The following HMGB4 variants were observed in gnomAD, a reference collection of about 807,000 sequenced individuals.
The protein encoded by HMGB4 is high mobility group box 4, also known as high mobility group protein B4.
For synonymous variants in HMGB4, 82 were observed against 84.9 expected (o/e 0.97, Z 0.19); for missense variants, 217 against 220.4 (o/e 0.98, Z 0.10).
upstream of HMGB4, chr1:33,862,639 C>A (rs543161589): frequency 6.6e-6 from 1 of 152,272 alleles, no homozygotes; most frequent in Non-Finnish European, 1.5e-5. Context: ...CTAGCCCAGA[C>A]TTCCTTGATG....
chr1:33,864,531 G>A lies in HMGB4; in HGVS notation c.340G>A (p.Glu114Lys), dbSNP rs750714730. ...CQDHYAQLKR[E>K]NPNWSVVQVA... ...AGACCACTATGCTCAGCTGAAGAGG[G>A]AGAACCCGAACTGGTCGGTGGTGCA... The change falls in exon 1 of 1, where the codon GAG becomes AAG. Residue 114 changes from glutamate (E) to lysine (K), a missense_variant. By Grantham distance (56) the Glu-to-Lys change is moderately conservative. Coordinates refer to ENST00000681531, the MANE Select transcript of HMGB4 (RefSeq NM_001379301.1). 35 of 1,614,142 alleles carry A rather than the reference G, an allele frequency of 2.2e-5. No individual in the cohort carries two copies. Among genetic ancestry groups the A allele is most frequent in the South Asian group, 4.4e-5 (4 of 91,084 alleles).
At chr1:33,862,023 C>T (rs1303315437), upstream of HMGB4, among the ~76,000 whole-genome samples, 1 of 152,154 alleles carries the variant, frequency 6.6e-6, no homozygotes, top group African/African-American at 2.4e-5. Context: ...TACAGACCAG[C>T]TTCCCAGGCC....
chr1:33,864,028 TC>T (rs1639760407), upstream of HMGB4: 1 of 641,884 alleles, frequency 1.6e-6, no homozygotes, highest in African/African-American at 1.8e-5. Flanking sequence ...CTCCTCTGAC[TC>T]AACAATGCCA....
chr1:33,863,965 GC>G (rs753170018), upstream of HMGB4: 75 of 528,682 alleles, frequency 1.4e-4, no homozygotes, highest in Non-Finnish European at 2.2e-4. Flanking sequence ...GTACACAAAT[GC>G]CCACAGGTGT....
rs369597433 is a variant in HMGB4 at position 33,864,390 on chromosome 1, G to A, written c.199G>A (p.Asp67Asn). Residue 67 changes from aspartate to asparagine, a missense_variant, in exon 1 of 1, where the codon GAC becomes AAC. By Grantham distance (23) the Asp-to-Asn change is conservative. Transcript: ENST00000681531. ...KAKYEALAKL[D>N]KARYQEEMMN... ...CAAATATGAAGCCCTGGCCAAACTCGACAAAGCCCGATACCAGGAAGAAAT... is the reference window on the plus strand; with the variant it reads ...CAAATATGAAGCCCTGGCCAAACTCAACAAAGCCCGATACCAGGAAGAAAT... 34 of 1,613,924 alleles carry A rather than the reference G, an allele frequency of 2.1e-5. No homozygotes were observed. The African/African-American group carries it at 3.7e-4, about 18-fold the overall frequency.
chr1:33,863,986 T>C (rs548234646), upstream of HMGB4: 2 of 557,632 alleles, frequency 3.6e-6, no homozygotes, highest in Non-Finnish European at 6.3e-6. Flanking sequence ...TTGGCTGGGA[T>C]TGGCTGGCTT....
At chr1:33,862,985 A>T (rs1402116119), upstream of HMGB4, 2 of 152,210 alleles carry the variant, frequency 1.3e-5, no homozygotes, top group Non-Finnish European at 2.9e-5. Context: ...CTGGACCCTC[A>T]GTGCCCTGGC....
chr1:33,864,082 C>T lies in HMGB4; in HGVS notation c.-110C>T, dbSNP rs1251907874. On this transcript the variant is annotated 5_prime_UTR_variant, in exon 1 of 1. Transcript: ENST00000681531. ...GAGCCCTGACTACAGCTCTTGCAGACAGAAAAATTCGCTGCAAGTACAGCA... is the reference window on the plus strand; with the variant it reads ...GAGCCCTGACTACAGCTCTTGCAGATAGAAAAATTCGCTGCAAGTACAGCA... 9.5e-7 allele frequency: 1 copy of T among 1,047,168 alleles called. No individual in the cohort carries two copies. Among genetic ancestry groups the T allele is most frequent in the African/African-American group, 1.6e-5 (1 of 62,502 alleles). The allele number at this position is 1,047,168 out of a possible 1,614,324, so 64.9% of individuals were successfully genotyped here. A position where few individuals can be genotyped will look rare whatever the true frequency, so the allele number is the denominator to read the frequency against.
chr1:33,864,402 T>C lies in HMGB4; in HGVS notation c.211T>C (p.Tyr71His). The C allele has an allele frequency of 6.2e-7, 1 of 1,614,062 alleles. No homozygotes were observed. The highest frequency in any genetic ancestry group is 2.2e-5 in the East Asian group (1 of 44,866). ...EALAKLDKARYQEEMMNYVGK... is the reference protein window; with the variant it reads ...EALAKLDKARHQEEMMNYVGK... Reference sequence around the variant, plus strand: ...CCTGGCCAAACTCGACAAAGCCCGATACCAGGAAGAAATGATGAATTATGT... The same window carrying C: ...CCTGGCCAAACTCGACAAAGCCCGACACCAGGAAGAAATGATGAATTATGT... Residue 71 changes from tyrosine (Y) to histidine (H), a missense_variant, in exon 1 of 1, where the codon TAC becomes CAC. By Grantham distance (83) the Tyr-to-His change is moderately conservative. Coordinates refer to ENST00000681531, the MANE Select transcript of HMGB4 (RefSeq NM_001379301.1).
rs761135652 is a variant in HMGB4 at position 33,864,714 on chromosome 1, A to T, written c.523A>T (p.Arg175Ter). 6.2e-7 allele frequency: 1 copy of T among 1,613,210 alleles called. No homozygotes were observed. The highest frequency in any genetic ancestry group is 8.5e-7 in the Non-Finnish European group (1 of 1,179,740). The change falls in exon 1 of 1, where the codon AGA (arginine) becomes TGA (stop). Residue 175 changes from arginine (R) to a stop codon, truncating the protein, a stop_gained. Coordinates refer to ENST00000681531, the MANE Select transcript of HMGB4 (RefSeq NM_001379301.1). LOFTEE classifies it low-confidence loss of function (END_TRUNC). ...CAGGAAGAAGTACCGAATGTCAGCT[A>T]GAAACCGGTGCAGAGGGAAAAGAGT... is the stretch of plus-strand genomic sequence containing the variant. ...NARKKYRMSA[R>*]NRCRGKRVRQ...
chr1:33,861,808 G>A (rs879320159), upstream of HMGB4, among the ~76,000 whole-genome samples: 1 of 152,180 alleles, frequency 6.6e-6, no homozygotes, highest in Non-Finnish European at 1.5e-5. Context: ...TGTACTGGAA[G>A]GAGAGAGTCA....
At chr1:33,861,228 T>C (rs1160485687), upstream of HMGB4, 3 of 152,216 alleles carry the variant, frequency 2.0e-5, no homozygotes, top group Non-Finnish European at 4.4e-5. Context: ...TGTTTGAAAA[T>C]ACTGAACTCA....
chr1:33,864,062 C>T, upstream of HMGB4: 1 of 846,126 alleles, frequency 1.2e-6, no homozygotes, highest in Non-Finnish European at 1.9e-6. Flanking sequence ...AGGCTGAGCC[C>T]TGACTACAGC....
upstream of HMGB4, chr1:33,863,072 G>A (rs1237493048): frequency 2.6e-5 from 4 of 152,186 alleles, no homozygotes; most frequent in Admixed American, 6.5e-5. Context: ...TCTCACCTGT[G>A]AGTGGCTGTT....
upstream of HMGB4, chr1:33,863,039 C>G (rs1380013324): frequency 1.3e-5 from 2 of 152,194 alleles, no homozygotes; most frequent in Non-Finnish European, 2.9e-5. Context: ...TTAGGTCAAG[C>G]AATCAGCCGT....
At chr1:33,863,504 C>A (rs2125120909), upstream of HMGB4, 1 of 152,350 alleles carries the variant, frequency 6.6e-6, no homozygotes, top group South Asian at 2.1e-4. Flanking sequence ...AGAGTTCCAA[C>A]TCATAGCCCA....
chr1:33,864,254 G>C lies in HMGB4; in HGVS notation c.63G>C (p.Leu21=), dbSNP rs866310745. Residue 21 remains leucine, a synonymous_variant, in exon 1 of 1, where the codon CTG becomes CTC. Transcript: ENST00000681531. ...ANVSSYVHFL[L]NYRNKFKEQQ... ...TCTCTTCTTACGTTCACTTTTTGCTGAATTACAGAAACAAATTCAAGGAGC... is the reference window on the plus strand; with the variant it reads ...TCTCTTCTTACGTTCACTTTTTGCTCAATTACAGAAACAAATTCAAGGAGC... 3.7e-6 allele frequency: 6 copies of C among 1,611,976 alleles called. No individual in the cohort carries two copies. The highest frequency in any genetic ancestry group is 1.1e-5 in the South Asian group (1 of 90,646).
At position 33,864,156 on chromosome 1, in the gene HMGB4, C is replaced by T. The variant is rs375927098; in HGVS notation, c.-36C>T. ...TGGGAACAACAGTCTCTCCTGTCCA[C>T]GTTACTGAATCCAGAAAAAAGGTGA... On this transcript the variant is annotated 5_prime_UTR_variant, in exon 1 of 1. The change creates a new upstream start codon in the 5' untranslated region. Coordinates refer to ENST00000681531, the MANE Select transcript of HMGB4 (RefSeq NM_001379301.1). 31 of 1,549,248 alleles carry T rather than the reference C, an allele frequency of 2.0e-5. No individual in the cohort carries two copies. In the African/African-American group the frequency reaches 2.8e-4, roughly 14 times the overall value.
chr1:33,862,459 T>C (rs2125117764), upstream of HMGB4: 1 of 151,792 alleles, frequency 6.6e-6, no homozygotes, highest in South Asian at 2.1e-4. Flanking sequence ...TCATGTCCCA[T>C]CTTTTGATCT....
Sources: allele counts gnomAD v4.1 joint callset (sites outside exome capture counted in the v4.1 genomes callset), GRCh38; gene constraint gnomAD v4.1.1; transcripts MANE v1.5; gene names NCBI Gene and HGNC (gene_info 2026-07-23, HGNC 2026-07-21).